Variants in CRYBB2 observed in about 807,000 individuals in gnomAD.
CRYBB2 encodes beta-crystallin B2.
CRYBB2 carries 12 observed loss-of-function variants against 24.3 expected under a neutral mutation model. The observed-to-expected ratio is 0.49, with a 90% CI of 0.32 to 0.80. The LOEUF is 0.80. CRYBB2 is among the 30% of genes least tolerant of loss of function. The pLI is 0.04. For synonymous variants in CRYBB2, 98 were observed against 101.6 expected (o/e 0.96, Z 0.21); for missense variants, 198 against 268.5 (o/e 0.74, Z 1.83).
At chr22:25,225,665 T>G (rs1440978855) in intron 3 of CRYBB2, among the ~76,000 whole-genome samples, 2 of 152,188 alleles carry the variant, frequency 1.3e-5, no homozygotes, top group Non-Finnish European at 1.5e-5. Context: ...CTCTCGTCAC[T>G]CCTTCTCTGT....
At chr22:25,230,154 CTTT>C (rs60217259) in intron 5 of CRYBB2, among the ~76,000 whole-genome samples, 22 of 143,896 alleles carry the variant, frequency 1.5e-4, no homozygotes, top group African/African-American at 4.7e-4. Flanking sequence ...CTTGTAAGAA[CTTT>C]TTTTTTTTTT....
upstream of CRYBB2, among the ~76,000 whole-genome samples, chr22:25,218,779 G>GAAAGAAAGAAA (rs376967033): frequency 1.0e-3 from 36 of 34,532 alleles, 1 homozygote; most frequent in East Asian, 0.01. Context: ...GAGAGAGAGA[G>GAAAGAAAGAAA]AAGAAAGAAA....
At chr22:25,212,773 C>T (rs1797439135) in exon 1 of CRYBB2, 1 of 152,160 alleles carries the variant, frequency 6.6e-6, no homozygotes, top group South Asian at 2.1e-4. Flanking sequence ...TGAATACCTA[C>T]TAGGAGCAAC....
At chr22:25,216,261 T>C (rs1338746516), upstream of CRYBB2, among the ~76,000 whole-genome samples, 1 of 152,136 alleles carries the variant, frequency 6.6e-6, no homozygotes, top group East Asian at 1.9e-4. Flanking sequence ...TATTTGGAAA[T>C]AGGGTCTTTA....
chr22:25,221,510 T>C (rs752704224), intron 2 of CRYBB2, 27 bp downstream of exon 2: 33 of 1,571,044 alleles, frequency 2.1e-5, no homozygotes, highest in Non-Finnish European at 2.8e-5. Flanking sequence ...GGAGGGGGCA[T>C]GCAATGCTCC....
At chr22:25,211,731 A>G (rs1042275455), upstream of CRYBB2, among the ~76,000 whole-genome samples, 7 of 152,150 alleles carry the variant, frequency 4.6e-5, no homozygotes, top group South Asian at 1.0e-3. Flanking sequence ...TTTGTCTTCT[A>G]TGGGGCAGAA....
At chr22:25,212,195 G>A (rs5996858), upstream of CRYBB2, among the ~76,000 whole-genome samples, 20,077 of 152,228 alleles carry the variant, frequency 0.13, 1,405 homozygotes, top group South Asian at 0.27. Context: ...TCCAGACACA[G>A]GATGCTGAAG....
At chr22:25,224,103 G>A (rs1163881506) in intron 2 of CRYBB2, among the ~76,000 whole-genome samples, 2 of 144,214 alleles carry the variant, frequency 1.4e-5, no homozygotes, top group African/African-American at 2.7e-5. Context: ...CAGCCTGGGC[G>A]ACAGAGTGAG....
upstream of CRYBB2, among the ~76,000 whole-genome samples, chr22:25,216,991 A>G (rs1390354999): frequency 6.6e-6 from 1 of 152,152 alleles, no homozygotes; most frequent in Non-Finnish European, 1.5e-5. Context: ...CATTGTATGG[A>G]TAGACCACAT....
chr22:25,213,863 T>G (rs1935135567), intron 1 of CRYBB2, among the ~76,000 whole-genome samples: 1 of 152,200 alleles, frequency 6.6e-6, no homozygotes, highest in African/African-American at 2.4e-5. Context: ...AGAGCCCAAA[T>G]GAAGACACCC....
At chr22:25,218,773 GAGAGAGA>G (rs1360513398), upstream of CRYBB2, among the ~76,000 whole-genome samples, 1 of 32,234 alleles carries the variant, frequency 3.1e-5, no homozygotes, top group Non-Finnish European at 5.0e-5. Flanking sequence ...GAGAGAGAGA[GAGAGAGA>G]AGAAAGAAAG....
chr22:25,216,351 T>A (rs1935169526), upstream of CRYBB2, among the ~76,000 whole-genome samples: 1 of 152,018 alleles, frequency 6.6e-6, no homozygotes, highest in Non-Finnish European at 1.5e-5. Context: ...ACTGGTATCC[T>A]TATAGGCACA....
upstream of CRYBB2, among the ~76,000 whole-genome samples, chr22:25,215,635 G>T (rs1601413862): frequency 6.6e-6 from 1 of 152,146 alleles, no homozygotes; most frequent in East Asian, 1.9e-4. Flanking sequence ...GGGAAATTGA[G>T]GCCTGGAGAA....
Position 25,224,970 on chromosome 22 carries a change from G to A in CRYBB2, c.107G>A (p.Gly36Glu), listed in dbSNP as rs1935387068. ...NFQGHSHELNGPCPNLKETGV... is the reference protein window; with the variant it reads ...NFQGHSHELNEPCPNLKETGV... ...CAAGGCCACTCGCATGAGCTCAATG[G>A]GCCCTGCCCCAACCTGAAGGAAACT... The change falls in exon 3 of 6, where the codon GGG becomes GAG. Residue 36 changes from glycine (G) to glutamate (E), a missense_variant. By Grantham distance (98) the Gly-to-Glu change is moderately conservative. Coordinates refer to ENST00000398215, the MANE Select transcript of CRYBB2 (RefSeq NM_000496.3). 1 of 1,613,592 alleles carries A rather than the reference G, an allele frequency of 6.2e-7. No individual in the cohort carries two copies. The highest frequency in any genetic ancestry group is 8.5e-7 in the Non-Finnish European group (1 of 1,179,504).
At chr22:25,218,816 AAGAAAG>A (rs1257234984), upstream of CRYBB2, among the ~76,000 whole-genome samples, 5 of 135,854 alleles carry the variant, frequency 3.7e-5, no homozygotes, top group African/African-American at 5.8e-5. Context: ...GAAAGAAAGA[AAGAAAG>A]AAAGAAAGAA....
rs8140949 is a variant in CRYBB2 at position 25,231,637 on chromosome 22, G to A, written c.483G>A (p.Gly161=). The stretch of plus-strand genomic sequence containing the variant: ...GCTACCAGTACCCCGGCTACCGTGG[G>A]CTGCAGTACCTGCTGGAGAAGGGAG... The part of the protein sequence containing the change: ...WVGYQYPGYR[G]LQYLLEKGDY... The change falls in exon 6 of 6, where the codon GGG becomes GGA. Residue 161 remains glycine (G), a synonymous_variant. Transcript: ENST00000398215. The A allele has an allele frequency of 0.24, 381,289 of 1,613,704 alleles. 48,773 individuals carry two copies. Among genetic ancestry groups the A allele is most frequent in the South Asian group, 0.43 (39,074 of 91,058 alleles).
At chr22:25,226,293 A>G (rs1230842165) in intron 3 of CRYBB2, among the ~76,000 whole-genome samples, 2 of 152,098 alleles carry the variant, frequency 1.3e-5, no homozygotes, top group African/African-American at 4.8e-5. Flanking sequence ...GACTCTCTCC[A>G]TGTCATTAAA....
chr22:25,223,106 C>T (rs1036020021), intron 2 of CRYBB2, among the ~76,000 whole-genome samples: 9 of 152,170 alleles, frequency 5.9e-5, no homozygotes, highest in East Asian at 1.9e-4. Context: ...AGCTTCTGGG[C>T]TTTCAAATGC....
At chr22:25,218,780 A>AGAGAGAGAG (rs1197095284), upstream of CRYBB2, among the ~76,000 whole-genome samples, 15 of 23,444 alleles carry the variant, frequency 6.4e-4, no homozygotes, top group Admixed American at 3.6e-3. Flanking sequence ...AGAGAGAGAG[A>AGAGAGAGAG]AGAAAGAAAG....
Sources: allele counts gnomAD v4.1 joint callset (sites outside exome capture counted in the v4.1 genomes callset), GRCh38; gene constraint gnomAD v4.1.1; transcripts MANE v1.5; gene names NCBI Gene and HGNC (gene_info 2026-07-23, HGNC 2026-07-21).